KCND3: variants seen among roughly 807,000 people sequenced by gnomAD.
The protein encoded by KCND3 is potassium voltage-gated channel subfamily D member 3.
KCND3 carries 9 observed loss-of-function variants against 51.1 expected under a neutral mutation model. The ratio of observed to expected loss-of-function variants is 0.18; its 90% CI spans 0.11 to 0.31. The LOEUF (loss-of-function observed/expected upper bound fraction) is 0.31. Among genes scored for constraint, KCND3 ranks in the 10% least tolerant of loss-of-function variants. The probability of loss-of-function intolerance (pLI) is 1.00; values close to 1 mark genes in which losing one functional copy is unlikely to be tolerated. For synonymous variants in KCND3, 349 were observed against 368.0 expected, an observed-to-expected ratio of 0.95 and a Z score of 0.59; for missense variants, 526 against 903.8, an observed-to-expected ratio of 0.58 and a Z score of 5.36.
chr1:111,878,072 C>T (rs1388859297), intron 2 of KCND3, among the ~76,000 whole-genome samples: 5 of 152,228 alleles, frequency 3.3e-5, no homozygotes, highest in Non-Finnish European at 7.3e-5. Flanking sequence ...CAAGGTCACA[C>T]AGCTAACAGG....
At position 111,982,407 on chromosome 1, in the gene KCND3, C is replaced by T; in HGVS notation, c.320G>A (p.Arg107His). Residue 107 changes from arginine (R) to histidine (H), a missense_variant, in exon 2 of 8, where the codon CGC becomes CAC. By Grantham distance (29) the Arg-to-His change is conservative. Coordinates refer to ENST00000302127, the MANE Select transcript of KCND3 (RefSeq NM_001378969.1). This position sits in a 1 kb window ranked among gnomAD's most constrained non-coding sequence, Gnocchi z 8.5. ...FYRTGKLHYP[R>H]YECISAYDDE... is the part of the protein sequence containing the mutation. ...GTCGTAGGCAGAGATGCACTCGTAG[C>T]GCGGGTAGTGCAGCTTCCCCGTGCG... The T allele has an allele frequency of 6.2e-7, 1 of 1,614,182 alleles. No homozygotes were observed. Among genetic ancestry groups the T allele is most frequent in the Non-Finnish European group, 8.5e-7 (1 of 1,180,038 alleles).
chr1:111,906,188 G>C (rs754110166), intron 2 of KCND3, among the ~76,000 whole-genome samples: 47 of 152,178 alleles, frequency 3.1e-4, no homozygotes, highest in South Asian at 2.1e-4. Context: ...GAGCTATCAG[G>C]CTGTGAAAGA....
chr1:111,946,454 G>C (rs990370472), intron 2 of KCND3, among the ~76,000 whole-genome samples: 1 of 152,172 alleles, frequency 6.6e-6, no homozygotes, highest in Non-Finnish European at 1.5e-5. Flanking sequence ...GACAAGATGG[G>C]AGCAATGTTG....
At chr1:111,800,843 C>A (rs1262427469) in intron 2 of KCND3, among the ~76,000 whole-genome samples, 1 of 152,222 alleles carries the variant, frequency 6.6e-6, no homozygotes, top group African/African-American at 2.4e-5. Context: ...AAAGCCCAAG[C>A]CCAATTATGA....
chr1:111,802,531 G>A (rs960182170), intron 2 of KCND3, among the ~76,000 whole-genome samples: 2 of 152,228 alleles, frequency 1.3e-5, no homozygotes, highest in Non-Finnish European at 2.9e-5. Flanking sequence ...TCCTTCAGCT[G>A]TAAAATTGAG....
At chr1:111,856,219 C>A (rs1303137954) in intron 2 of KCND3, among the ~76,000 whole-genome samples, 2 of 152,210 alleles carry the variant, frequency 1.3e-5, no homozygotes, top group African/African-American at 2.4e-5. Context: ...TTGGTGAGGG[C>A]ATGGATGTGG....
At chr1:111,941,871 G>A (rs1037725224) in intron 2 of KCND3, among the ~76,000 whole-genome samples, 6 of 152,202 alleles carry the variant, frequency 3.9e-5, no homozygotes, top group African/African-American at 1.2e-4. Context: ...AGGGCGGGGC[G>A]CAAGAGGCCC....
chr1:111,875,476 C>T (rs962837397), intron 2 of KCND3, among the ~76,000 whole-genome samples: 3 of 152,144 alleles, frequency 2.0e-5, no homozygotes, highest in African/African-American at 7.2e-5. Flanking sequence ...TGGGGACTGG[C>T]CATTTCTATA....
intron 2 of KCND3, among the ~76,000 whole-genome samples, chr1:111,957,936 TA>T (rs1673422198): frequency 6.6e-6 from 1 of 151,830 alleles, no homozygotes; most frequent in African/African-American, 2.4e-5. Context: ...GTTGGTGGGG[TA>T]AAAAGAGGGG....
intron 2 of KCND3, among the ~76,000 whole-genome samples, chr1:111,851,375 C>T (rs575790910): frequency 1.1e-4 from 16 of 152,300 alleles, no homozygotes; most frequent in African/African-American, 3.6e-4. Context: ...GTCTTCCCCT[C>T]TAGAATGCAG....
intron 2 of KCND3, among the ~76,000 whole-genome samples, chr1:111,879,340 G>A (rs969675538): frequency 2.6e-5 from 4 of 152,140 alleles, no homozygotes; most frequent in East Asian, 3.8e-4. Flanking sequence ...GCATGTAACC[G>A]GTGGTTCTGA....
In KCND3 at chr1:111,888,555, G is replaced by A. The variant is rs565665053; in HGVS notation, c.1106+93066C>T. On this transcript the variant is annotated intron_variant, in intron 2 of 7. Coordinates refer to ENST00000302127, the MANE Select transcript of KCND3 (RefSeq NM_001378969.1). ...AAATTAGCAGGGCACGGTGGTGGGC[G>A]CCTGTAATCCCAGCTACTCGGGAGG... Among the ~76,000 whole-genome samples, 21 of 151,974 alleles carry A rather than the reference G, an allele frequency of 1.4e-4. 1 individual carries two copies. In the South Asian group the frequency reaches 2.1e-3, roughly 15 times the overall value.
At position 111,770,837 on chromosome 1, in the gene KCND3, GT is replaced by G. The variant is rs1035211695; in HGVS notation, c.*5239del. On this transcript the variant is annotated 3_prime_UTR_variant, in exon 8 of 8. Coordinates refer to ENST00000302127, the MANE Select transcript of KCND3 (RefSeq NM_001378969.1). ...TTTTTTTTTCATAGAAAGTTTTCAT[GT>G]TTTATCTTCCTGCAGTTTTGTACAG... The G allele has an allele frequency of 1.3e-5, 2 of 151,144 alleles. No individual in the cohort carries two copies. Among genetic ancestry groups the G allele is most frequent in the African/African-American group, 4.9e-5 (2 of 41,116 alleles). The allele number at this position is 151,144 out of a possible 1,614,324, so 9.4% of individuals were successfully genotyped here.
intron 2 of KCND3, among the ~76,000 whole-genome samples, chr1:111,880,217 C>T (rs1571786965): frequency 1.3e-5 from 2 of 152,162 alleles, no homozygotes; most frequent in Admixed American, 6.5e-5. Flanking sequence ...AGATCCTAAA[C>T]GTTCTGATTT....
chr1:111,792,208 C>T (rs910349113), intron 2 of KCND3, among the ~76,000 whole-genome samples: 1 of 152,158 alleles, frequency 6.6e-6, no homozygotes, highest in African/African-American at 2.4e-5. Flanking sequence ...GAACAATGTA[C>T]CAGAGCCTGT....
intron 2 of KCND3, among the ~76,000 whole-genome samples, chr1:111,941,603 A>G (rs1250797326): frequency 1.3e-5 from 2 of 152,154 alleles, no homozygotes; most frequent in Non-Finnish European, 1.5e-5. Context: ...AATGTCAACA[A>G]GAATTAGAAC....
At chr1:111,788,677 T>C (rs1664709016) in intron 2 of KCND3, among the ~76,000 whole-genome samples, 1 of 152,186 alleles carries the variant, frequency 6.6e-6, no homozygotes, top group Non-Finnish European at 1.5e-5. Flanking sequence ...CAGCTAGGGT[T>C]GTCTCCTCTG....
At chr1:111,958,772 A>C (rs909365413) in intron 2 of KCND3, among the ~76,000 whole-genome samples, 1 of 152,076 alleles carries the variant, frequency 6.6e-6, no homozygotes, top group Admixed American at 6.5e-5. Context: ...TCCACCCCAC[A>C]GTGTCCAGCA....
At chr1:111,973,502 G>C (rs1362529914) in intron 2 of KCND3, among the ~76,000 whole-genome samples, 1 of 152,250 alleles carries the variant, frequency 6.6e-6, no homozygotes, top group Non-Finnish European at 1.5e-5. Flanking sequence ...GTCCTGTTGG[G>C]ATCGGAAGTT....
Sources: gnomAD v4.1 joint callset for allele counts (sites outside exome capture counted in the v4.1 genomes callset) on GRCh38, gnomAD v4.1.1 for gene constraint, Gnocchi (gnomAD v3.1) non-coding constraint, MANE v1.5 for transcripts, NCBI Gene and HGNC (gene_info 2026-07-23, HGNC 2026-07-21) for gene names.